Variants in CREBBP observed in about 807,000 individuals in gnomAD.
CREBBP encodes the protein CREB-binding protein.
A neutral mutation model predicts 265.0 loss-of-function variants in CREBBP; 19 were observed. The ratio of observed to expected loss-of-function variants is 0.07; its 90% CI spans 0.05 to 0.11. The LOEUF (loss-of-function observed/expected upper bound fraction) is 0.11. CREBBP is among the 10% of genes least tolerant of loss of function. The pLI, the probability that CREBBP is intolerant of heterozygous loss-of-function variation, is 1.00. For missense variants in CREBBP, 2,525 were observed against 3,219.0 expected, an observed-to-expected ratio of 0.78 and a Z score of 5.22; for synonymous variants, 1,457 against 1,223.7, an observed-to-expected ratio of 1.19 and a Z score of -3.98.
Position 3,770,553 on chromosome 16 carries a change from G to C in CREBBP, c.2880+17C>G, listed in dbSNP as rs775318956. The C allele has an allele frequency of 1.9e-6, 3 of 1,611,364 alleles. No individual in the cohort carries two copies. The East Asian group carries it at 6.7e-5, about 36-fold the overall frequency. On this transcript the variant is annotated intron_variant, in intron 14 of 30. Transcript: ENST00000262367. ...TAAGAGTCTTGGCCCAAAAACAGCA[G>C]AGACAGAGAGGCTTACCGGTGTGCC...
At chr16:3,771,193 C>T (rs1211541911) in intron 13 of CREBBP, among the ~76,000 whole-genome samples, 4 of 151,990 alleles carry the variant, frequency 2.6e-5, no homozygotes, top group Non-Finnish European at 5.9e-5. Flanking sequence ...CTCAGCTTCT[C>T]GAGTAGCAGG....
intron 3 of CREBBP, among the ~76,000 whole-genome samples, chr16:3,800,249 C>G (rs1040328130): frequency 3.3e-5 from 5 of 152,168 alleles, no homozygotes; most frequent in African/African-American, 1.2e-4. Flanking sequence ...TCCTGAGTAG[C>G]TGAGATGACA....
chr16:3,865,459 G>A (rs2055158216), intron 1 of CREBBP, among the ~76,000 whole-genome samples: 2 of 152,228 alleles, frequency 1.3e-5, no homozygotes, highest in South Asian at 4.1e-4. Flanking sequence ...AGGCAGGAAG[G>A]GGGAAGAGAG....
chr16:3,838,401 A>AC (rs932994697), intron 2 of CREBBP, among the ~76,000 whole-genome samples: 16 of 151,914 alleles, frequency 1.1e-4, no homozygotes, highest in African/African-American at 3.9e-4. Flanking sequence ...GATGCATTTC[A>AC]CCCCCATCAA....
At position 3,727,941 on chromosome 16, in the gene CREBBP, G is replaced by A. The variant is rs1225528201; in HGVS notation, c.7106C>T (p.Pro2369Leu). 2 of 1,608,880 alleles carry A rather than the reference G, an allele frequency of 1.2e-6. No homozygotes were observed. Among genetic ancestry groups the A allele is most frequent in the Non-Finnish European group, 1.7e-6 (2 of 1,176,382 alleles). The stretch of plus-strand genomic sequence containing the variant: ...TGAGACGTGGTGTGGCGAAGGCTGG[G>A]GCTGTATCCGTGGTGACGGGCTGGA... ...PHSSPSPRIQ[P>L]QPSPHHVSPQ... Residue 2369 changes from proline (P) to leucine (L), a missense_variant, in exon 31 of 31, where the codon CCC becomes CTC. Pro to Leu is a moderately conservative substitution (Grantham distance 98). This residue lies in a region of CREBBP where 473 missense variants were observed against 459.3 expected (regional missense o/e 1.03). Coordinates refer to ENST00000262367, the MANE Select transcript of CREBBP (RefSeq NM_004380.3).
At chr16:3,841,614 C>T (rs917220841) in intron 2 of CREBBP, among the ~76,000 whole-genome samples, 21 of 152,060 alleles carry the variant, frequency 1.4e-4, no homozygotes, top group African/African-American at 5.1e-4. Flanking sequence ...GTACTCTAGC[C>T]TGGGTGACAG....
chr16:3,817,417 C>T (rs938827812), intron 2 of CREBBP, among the ~76,000 whole-genome samples: 1 of 152,170 alleles, frequency 6.6e-6, no homozygotes, highest in Non-Finnish European at 1.5e-5. Flanking sequence ...AAAACAAGCT[C>T]CAGGCTCAGA....
intron 1 of CREBBP, among the ~76,000 whole-genome samples, chr16:3,855,029 G>A (rs572921281): frequency 1.3e-5 from 2 of 152,172 alleles, no homozygotes; most frequent in African/African-American, 2.4e-5. Context: ...CTCAGGAAAT[G>A]TAACACTGAT....
intron 1 of CREBBP, among the ~76,000 whole-genome samples, chr16:3,857,656 C>T (rs1457257652): frequency 6.6e-6 from 1 of 152,196 alleles, no homozygotes; most frequent in Non-Finnish European, 1.5e-5. Flanking sequence ...TGACCGTTAC[C>T]AGGGGGCCCG....
In CREBBP at chr16:3,779,454, G is replaced by C. The variant is rs191757253; in HGVS notation, c.1824-637C>G. Among the ~76,000 whole-genome samples the C allele has an allele frequency of 3.7e-3, 559 of 152,286 alleles. 4 individuals are homozygous for C. Among genetic ancestry groups the C allele is most frequent in the African/African-American group, 0.012 (513 of 41,566 alleles). ...CTCCCAAAGCACTGGAATTACACGTGGGGGCCACTGCACCTGGCCTGAAGC... is the reference window on the plus strand; with the variant it reads ...CTCCCAAAGCACTGGAATTACACGTCGGGGCCACTGCACCTGGCCTGAAGC... On this transcript the variant is annotated intron_variant, in intron 8 of 30. Coordinates refer to ENST00000262367, the MANE Select transcript of CREBBP (RefSeq NM_004380.3).
chr16:3,734,698 C>T (rs964452319), intron 28 of CREBBP, among the ~76,000 whole-genome samples: 20 of 152,182 alleles, frequency 1.3e-4, no homozygotes, highest in African/African-American at 3.4e-4. Context: ...ACCCCCTGCC[C>T]GCGCCTCCTC....
chr16:3,840,674 A>C (rs995798367), intron 2 of CREBBP: 3 of 166,576 alleles, frequency 1.8e-5, no homozygotes, highest in African/African-American at 7.2e-5. Context: ...TATCAACCCT[A>C]GTACCAAATT....
rs866600000 is a variant in CREBBP, at chr16:3,727,921, C to T, written c.7126G>A (p.Val2376Ile). Reference sequence around the variant, plus strand: ...TGGGGGGAACCAGTCTGGGGTGAGACGTGGTGTGGCGAAGGCTGGGGCTGT... The same window carrying T: ...TGGGGGGAACCAGTCTGGGGTGAGATGTGGTGTGGCGAAGGCTGGGGCTGT... ...RIQPQPSPHH[V>I]SPQTGSPHPG... is the part of the protein sequence containing the mutation. The change falls in exon 31 of 31, where the codon GTC (valine) becomes ATC (isoleucine). Residue 2376 changes from valine (V) to isoleucine (I), a missense_variant. This residue lies in a region of CREBBP where 473 missense variants were observed against 459.3 expected (regional missense o/e 1.03). Coordinates refer to ENST00000262367, the MANE Select transcript of CREBBP (RefSeq NM_004380.3). The T allele has an allele frequency of 8.7e-6, 14 of 1,610,198 alleles. No individual in the cohort carries two copies. The African/African-American group carries it at 1.1e-4, about 12-fold the overall frequency.
rs570334045 is a variant in CREBBP at position 3,830,929 on chromosome 16, C to T, written c.798+19368G>A. The stretch of plus-strand genomic sequence containing the variant: ...CCTCAAGCAGCTGCAACTACAGAAG[C>T]GCACCACCAAGCCTGGCTATTAATT... On this transcript the variant is annotated intron_variant, in intron 2 of 30. Transcript: ENST00000262367. Among the ~76,000 whole-genome samples, 10 of 152,220 alleles carry T rather than the reference C, an allele frequency of 6.6e-5. No individual in the cohort carries two copies. In the South Asian group the frequency reaches 8.3e-4, roughly 13 times the overall value.
intron 20 of CREBBP, among the ~76,000 whole-genome samples, 185 bp downstream of exon 20, chr16:3,751,541 G>A (rs746618512): frequency 7.9e-5 from 12 of 152,170 alleles, no homozygotes; most frequent in Non-Finnish European, 1.3e-4. Context: ...GCAGTGAGTC[G>A]AGATAGTGCC....
chr16:3,827,195 A>AG (rs2054254197), intron 2 of CREBBP, among the ~76,000 whole-genome samples: 1 of 151,228 alleles, frequency 6.6e-6, no homozygotes, highest in Non-Finnish European at 1.5e-5. Flanking sequence ...AAAAATGAAA[A>AG]GAAAAAAAAA....
chr16:3,788,678 C>A (rs186057777), intron 5 of CREBBP, among the ~76,000 whole-genome samples: 1 of 152,232 alleles, frequency 6.6e-6, no homozygotes, highest in Non-Finnish European at 1.5e-5. Flanking sequence ...AGGCCAGGCG[C>A]GGTGGCTCAC....
At chr16:3,746,273 C>G (rs552877335) in intron 21 of CREBBP, among the ~76,000 whole-genome samples, 1 of 152,118 alleles carries the variant, frequency 6.6e-6, no homozygotes, top group African/African-American at 2.4e-5. Flanking sequence ...TGCAAGCCCT[C>G]AGCCATGGGT....
chr16:3,785,601 C>T (rs557587774), intron 5 of CREBBP, among the ~76,000 whole-genome samples: 1 of 152,350 alleles, frequency 6.6e-6, no homozygotes, highest in South Asian at 2.1e-4. Context: ...GCGGCCAGCA[C>T]ATCGTGGGCC....
Sources: allele counts gnomAD v4.1 joint callset (sites outside exome capture counted in the v4.1 genomes callset), GRCh38; gene constraint gnomAD v4.1.1; regional missense constraint gnomAD v4.1.1; transcripts MANE v1.5; gene names NCBI Gene and HGNC (gene_info 2026-07-23, HGNC 2026-07-21).